Variants in PRUNE2 observed in about 807,000 individuals in gnomAD.
The protein encoded by PRUNE2 is prune homolog 2 with BCH domain.
In PRUNE2, 164 loss-of-function variants were observed where a neutral mutation model predicts 252.0. The observed-to-expected ratio is 0.65, with a 90% CI of 0.57 to 0.74. The LOEUF (loss-of-function observed/expected upper bound fraction) is 0.74, where lower values mean the gene tolerates loss of function less well. Ranked by LOEUF, PRUNE2 falls within the 30% of genes least tolerant of loss-of-function variation. The pLI is 0.00. For missense variants in PRUNE2, 3,495 were observed against 3,711.0 expected, an observed-to-expected ratio of 0.94 and a Z score of 1.51; for synonymous variants, 1,292 against 1,350.2, an observed-to-expected ratio of 0.96 and a Z score of 0.94.
intron 4 of PRUNE2, among the ~76,000 whole-genome samples, chr9:76,835,920 T>G (rs1237003008): frequency 1.3e-5 from 2 of 152,198 alleles, no homozygotes; most frequent in African/African-American, 4.8e-5. Context: ...AAACCTGGGA[T>G]ATTAGTTTTT....
chr9:76,833,260 C>T (rs1234659560), intron 4 of PRUNE2, among the ~76,000 whole-genome samples: 3 of 151,952 alleles, frequency 2.0e-5, no homozygotes, highest in African/African-American at 7.3e-5. Context: ...CCAAGTAGGG[C>T]TCCCCCAAGA....
chr9:76,831,171 C>T (rs554025653), intron 4 of PRUNE2, among the ~76,000 whole-genome samples: 12 of 152,090 alleles, frequency 7.9e-5, no homozygotes, highest in Non-Finnish European at 1.3e-4. Context: ...CCTTGTGATC[C>T]GCCCACCTCG....
At chr9:76,652,807 G>T in intron 10 of PRUNE2, 124 bp from the exon 11 acceptor site, 1 of 662,410 alleles carries the variant, frequency 1.5e-6, no homozygotes. Context: ...ACGTGTCAAG[G>T]AAATACTCAC....
intron 1 of PRUNE2, chr9:76,857,151 T>G (rs1341051380): frequency 2.2e-6 from 1 of 455,872 alleles, no homozygotes; most frequent in Non-Finnish European, 4.4e-6. Context: ...CCAATGCCAT[T>G]TACCCATATT....
intron 4 of PRUNE2, among the ~76,000 whole-genome samples, chr9:76,829,211 T>C (rs566857172): frequency 1.3e-5 from 2 of 152,250 alleles, no homozygotes; most frequent in South Asian, 4.1e-4. Flanking sequence ...GCTAAGGTCC[T>C]GGAGAGAGGG....
intron 4 of PRUNE2, among the ~76,000 whole-genome samples, chr9:76,834,683 T>C (rs2058856046): frequency 6.6e-6 from 1 of 152,214 alleles, no homozygotes; most frequent in Non-Finnish European, 1.5e-5. Flanking sequence ...AAGTTTGATA[T>C]GACTATTACA....
chr9:76,636,484 G>A lies in PRUNE2; in HGVS notation c.9037C>T (p.Arg3013Ter), dbSNP rs775165080. ...CATTAACTGTACCTTATAAAAGGTC[G>A]TGTCACAGCAAGGATTGTTCTGATG... ...WFIRTILAVT[R>*]PFISSKFSSK... Residue 3013 changes from arginine to a stop codon, truncating the protein, a stop_gained, in exon 15 of 19, where the codon CGA becomes TGA. Transcript: ENST00000376718. LOFTEE classifies it high-confidence loss of function. 3.3e-6 allele frequency: 5 copies of A among 1,527,056 alleles called. No homozygotes were observed. Among genetic ancestry groups the A allele is most frequent in the South Asian group, 2.4e-5 (2 of 83,736 alleles). The allele number at this position is 1,527,056 out of a possible 1,614,324, so 94.6% of individuals were successfully genotyped here.
At chr9:76,794,788 G>C in intron 6 of PRUNE2, among the ~76,000 whole-genome samples, 1 of 151,982 alleles carries the variant, frequency 6.6e-6, no homozygotes, top group Admixed American at 6.6e-5. Flanking sequence ...ATGTATAATG[G>C]GAATGCAAAT....
chr9:76,816,186 A>C (rs562243000), intron 6 of PRUNE2, among the ~76,000 whole-genome samples: 144 of 150,332 alleles, frequency 9.6e-4, no homozygotes, highest in Non-Finnish European at 1.4e-3. Flanking sequence ...AAAAAGAATT[A>C]TATTATAAGC....
chr9:76,803,909 C>T (rs115050848), intron 6 of PRUNE2, among the ~76,000 whole-genome samples: 1,912 of 152,268 alleles, frequency 0.013, 34 homozygotes, highest in African/African-American at 0.039. Flanking sequence ...TCCTATCTTC[C>T]GTCTCCCCTG....
intron 15 of PRUNE2, among the ~76,000 whole-genome samples, chr9:76,634,788 T>C (rs1839270980): frequency 6.6e-6 from 1 of 152,242 alleles, no homozygotes; most frequent in African/African-American, 2.4e-5. Context: ...GAAAAAACAT[T>C]TGTTTTATAA....
chr9:76,703,001 ATAG>A (rs1554707298), intron 9 of PRUNE2, among the ~76,000 whole-genome samples: 1 of 152,088 alleles, frequency 6.6e-6, no homozygotes, highest in Non-Finnish European at 1.5e-5. Flanking sequence ...TGCCTTGCAC[ATAG>A]TAGGTGCTGA....
Position 76,706,916 on chromosome 9 carries a change from C to A in PRUNE2, c.5358G>T (p.Lys1786Asn), listed in dbSNP as rs758711625. The change falls in exon 8 of 19, where the codon AAG becomes AAT. Residue 1786 changes from lysine (K) to asparagine (N), a missense_variant. By Grantham distance (94) the Lys-to-Asn change is moderately conservative (BLOSUM62 0). Transcript: ENST00000376718. ...EMQITAVEKE[K>N]RSSPETGTTG... ...TTGTCCCTGTTTCTGGAGAAGATCT[C>A]TTCTCCTTCTCCACTGCTGTAATCT... The A allele has an allele frequency of 6.9e-6, 11 of 1,605,156 alleles. No individual in the cohort carries two copies. Among genetic ancestry groups the A allele is most frequent in the Non-Finnish European group, 2.6e-6 (3 of 1,175,318 alleles).
chr9:76,836,767 T>G lies in PRUNE2; in HGVS notation c.508+9748A>C, dbSNP rs188351623. Among the ~76,000 whole-genome samples, 12 of 152,330 alleles carry G rather than the reference T, an allele frequency of 7.9e-5. No individual in the cohort carries two copies. In the East Asian group the frequency reaches 2.1e-3, roughly 27 times the overall value. On this transcript the variant is annotated intron_variant, in intron 4 of 18. Transcript: ENST00000376718. ...TCCCCCACAAAGCCTGAACACATTT[T>G]GGTCATAGATGAGTCACCTGTTGAC...
chr9:76,776,848 T>C (rs967628328), intron 6 of PRUNE2, among the ~76,000 whole-genome samples: 3 of 148,098 alleles, frequency 2.0e-5, no homozygotes, highest in African/African-American at 7.5e-5. Flanking sequence ...TGTTTGAAGA[T>C]ACATGAAGCT....
At chr9:76,867,063 C>T (rs2060885651) in intron 1 of PRUNE2, among the ~76,000 whole-genome samples, 1 of 152,000 alleles carries the variant, frequency 6.6e-6, no homozygotes, top group Admixed American at 6.6e-5. Flanking sequence ...AATAAGAAGC[C>T]CAAATTCTGA....
rs550604683 is a variant in PRUNE2 at position 76,687,688 on chromosome 9, C to T, written c.8276+15649G>A. 4.1e-4 allele frequency: 153 copies of T among 374,404 alleles called. 2 individuals carry two copies. Among genetic ancestry groups the T allele is most frequent in the South Asian group, 2.9e-3 (146 of 50,834 alleles). 23.2% of individuals were successfully genotyped at this position (374,404 alleles called of 1,614,324 possible). A position where few individuals can be genotyped will look rare whatever the true frequency, so the allele number is the denominator to read the frequency against. Reference sequence around the variant, plus strand: ...TCAACAAACATTTGAGTCCTAGAGCCATATGGAAAGTGTTAGCCTCGGGGG... The same window carrying T: ...TCAACAAACATTTGAGTCCTAGAGCTATATGGAAAGTGTTAGCCTCGGGGG... On this transcript the variant is annotated intron_variant, in intron 9 of 18. Coordinates refer to ENST00000376718, the MANE Select transcript of PRUNE2 (RefSeq NM_015225.3).
chr9:76,735,299 T>C (rs1466310384), intron 6 of PRUNE2, among the ~76,000 whole-genome samples: 1 of 152,090 alleles, frequency 6.6e-6, no homozygotes, highest in East Asian at 1.9e-4. Flanking sequence ...ATCAGAGAAA[T>C]GAACATTTGC....
intron 6 of PRUNE2, among the ~76,000 whole-genome samples, chr9:76,796,746 T>C (rs1386116268): frequency 6.6e-6 from 1 of 152,168 alleles, no homozygotes; most frequent in Non-Finnish European, 1.5e-5. Flanking sequence ...ACACTGGAAT[T>C]AGCAGACCGG....
Sources: allele counts gnomAD v4.1 joint callset (sites outside exome capture counted in the v4.1 genomes callset), GRCh38; gene constraint gnomAD v4.1.1; transcripts MANE v1.5; gene names NCBI Gene and HGNC (gene_info 2026-07-23, HGNC 2026-07-21).